L3MBTL1: variants seen among roughly 807,000 people sequenced by gnomAD.
L3MBTL1 encodes lethal(3)malignant brain tumor-like protein 1.
In L3MBTL1, 75 loss-of-function variants were observed where a neutral mutation model predicts 105.3. The observed-to-expected ratio is 0.71, with a 90% CI of 0.59 to 0.86. The LOEUF (loss-of-function observed/expected upper bound fraction) is 0.86. Among genes scored for constraint, L3MBTL1 ranks in the 40% least tolerant of loss-of-function variants. The probability of loss-of-function intolerance (pLI) is 0.00; values close to 1 mark genes in which losing one functional copy is unlikely to be tolerated. For missense variants in L3MBTL1, 1,069 were observed against 1,126.4 expected (o/e 0.95, Z 0.73); for synonymous variants, 452 against 436.2 (o/e 1.04, Z -0.45).
rs777571228 is a variant in L3MBTL1, at chr20:43,534,813, G to A, written c.1711-15G>A. The A allele has an allele frequency of 6.3e-7, 1 of 1,593,886 alleles. No individual in the cohort carries two copies. The highest frequency in any genetic ancestry group is 1.1e-5 in the South Asian group (1 of 90,526). On this transcript the variant is annotated splice_polypyrimidine_tract_variant and intron_variant, in intron 15 of 21. Coordinates refer to ENST00000418998, the MANE Select transcript of L3MBTL1 (RefSeq NM_001377303.1). ...CATGAGAAACGCCTGACTTCCAAGA[G>A]CCTTTCCTCCCCAGATCCACTTTGA...
Position 43,527,559 on chromosome 20 carries a change from ATGTGTGTGTGCACATAGGC to A in L3MBTL1, c.863-1069_863-1051del, listed in dbSNP as rs1049256303. Among the ~76,000 whole-genome samples, 8 of 139,324 alleles carry A rather than the reference ATGTGTGTGTGCACATAGGC, an allele frequency of 5.7e-5. No individual in the cohort carries two copies. The South Asian group carries it at 6.8e-4, about 12-fold the overall frequency. 91.4% of individuals were successfully genotyped at this position (139,324 alleles called of 152,430 possible). A position where few individuals can be genotyped will look rare whatever the true frequency, so the allele number is the denominator to read the frequency against. On this transcript the variant is annotated intron_variant, in intron 7 of 21. Coordinates refer to ENST00000418998, the MANE Select transcript of L3MBTL1 (RefSeq NM_001377303.1). The stretch of plus-strand genomic sequence containing the variant: ...GACCATAGTGTATGTGTGTTAGTGT[ATGTGTGTGTGCACATAGGC>A]TGTGTGTGTGCACATAGGCTGTGTG...
At position 43,540,310 on chromosome 20, in the gene L3MBTL1, T is replaced by C. The variant is rs766681877; in HGVS notation, c.2331+2T>C. On this transcript the variant is annotated splice_donor_variant, in intron 20 of 21. Transcript: ENST00000418998. LOFTEE classifies it high-confidence loss of function. ...GTCGCCAAGTGGACCATCGATGAGG[T>C]GAGGAGCGAGGGCCCTTCTTTATCC... The C allele has an allele frequency of 6.2e-7, 1 of 1,612,680 alleles. No homozygotes were observed. Among genetic ancestry groups the C allele is most frequent in the Non-Finnish European group, 8.5e-7 (1 of 1,179,560 alleles).
intron 7 of L3MBTL1, among the ~76,000 whole-genome samples, chr20:43,516,742 C>T (rs2018414433): frequency 6.6e-6 from 1 of 152,018 alleles, no homozygotes; most frequent in African/African-American, 2.4e-5. Flanking sequence ...CCCTCAAAAC[C>T]ATCAACACAA....
intron 6 of L3MBTL1, chr20:43,515,638 G>C (rs2018350651): frequency 1.7e-6 from 1 of 575,442 alleles, no homozygotes; most frequent in African/African-American, 1.9e-5. Flanking sequence ...TCTCAGTTTA[G>C]TGTCAAGGTT....
At chr20:43,534,527 T>A in intron 15 of L3MBTL1, 133 bp downstream of exon 15, 1 of 723,920 alleles carries the variant, frequency 1.4e-6, no homozygotes, top group Non-Finnish European at 2.3e-6. Context: ...TCTTGCCTCA[T>A]CTGTGACTTA....
chr20:43,514,685 C>T lies in L3MBTL1; in HGVS notation c.411C>T (p.Pro137=), dbSNP rs1454538590. 3 of 1,586,986 alleles carry T rather than the reference C, an allele frequency of 1.9e-6. No homozygotes were observed. The highest frequency in any genetic ancestry group is 2.3e-5 in the South Asian group (2 of 87,666). The part of the protein sequence containing the change: ...KPLNMAGVEQ[P]PSPELRQEGV... ...TGAACATGGCGGGAGTGGAGCAGCC[C>T]CCGAGCCCCGAGCTGCGGCAGGAAG... is the stretch of plus-strand genomic sequence containing the variant. The change falls in exon 4 of 22, where the codon CCC becomes CCT. Residue 137 remains proline, a synonymous_variant. Coordinates refer to ENST00000418998, the MANE Select transcript of L3MBTL1 (RefSeq NM_001377303.1).
intron 3 of L3MBTL1, chr20:43,514,344 T>C (rs1236353731): frequency 1.8e-6 from 2 of 1,118,174 alleles, no homozygotes; most frequent in South Asian, 3.3e-5. Context: ...GGGCCTGTGT[T>C]AGTTTGGGGG....
rs751689804 is a variant in L3MBTL1 at position 43,535,905 on chromosome 20, A to C, written c.1894A>C (p.Thr632Pro). The C allele has an allele frequency of 1.9e-6, 3 of 1,613,312 alleles. No homozygotes were observed. Among genetic ancestry groups the C allele is most frequent in the Non-Finnish European group, 2.5e-6 (3 of 1,179,714 alleles). Residue 632 changes from threonine to proline, a missense_variant, in exon 17 of 22, where the codon ACT becomes CCT. Thr to Pro is a conservative substitution (Grantham distance 38). Transcript: ENST00000418998. ...TCTCAGCTATAGGAGCCTGCCCCAC[A>C]CTAGGACCTCCAAATACAGCTTTCA... ...PPLSYRSLPH[T>P]RTSKYSFHHR...
intron 11 of L3MBTL1, chr20:43,531,696 A>G (rs118059852): frequency 0.021 from 3,160 of 152,396 alleles, 58 homozygotes; most frequent in Non-Finnish European, 0.034. Flanking sequence ...GGTCTCAGCA[A>G]CAAGAACGAA....
intron 7 of L3MBTL1, among the ~76,000 whole-genome samples, chr20:43,517,891 CT>C (rs2018483722): frequency 1.3e-5 from 2 of 152,200 alleles, no homozygotes; most frequent in Non-Finnish European, 1.5e-5. Flanking sequence ...TAAACCAGAA[CT>C]TCACTATTAT....
rs1254464371 is a variant in L3MBTL1 at position 43,532,789 on chromosome 20, G to A, written c.1301G>A (p.Gly434Asp). The change falls in exon 12 of 22, where the codon GGC becomes GAC. Residue 434 changes from glycine (G) to aspartate (D), a missense_variant. Gly to Asp is a moderately conservative substitution (Grantham distance 94, BLOSUM62 -1). Transcript: ENST00000418998. ...TTCCCCTAGAGTCCCCCACCCCTGG[G>A]CTTCCAGGTGGGCATGAAGCTGGAG... ...VSQSHSPPPL[G>D]FQVGMKLEAV... is the part of the protein sequence containing the mutation. 2.5e-6 allele frequency: 4 copies of A among 1,614,220 alleles called. No homozygotes were observed. Among genetic ancestry groups the A allele is most frequent in the Non-Finnish European group, 3.4e-6 (4 of 1,180,026 alleles).
chr20:43,528,340 T>C (rs1313440757), intron 7 of L3MBTL1, among the ~76,000 whole-genome samples: 4 of 152,256 alleles, frequency 2.6e-5, no homozygotes, highest in African/African-American at 7.2e-5. Context: ...CTTTGTCATG[T>C]CAGAGGACAG....
At chr20:43,514,339 T>G (rs1185372094) in intron 3 of L3MBTL1, 1 of 1,104,474 alleles carries the variant, frequency 9.1e-7, no homozygotes, top group Non-Finnish European at 1.2e-6. Flanking sequence ...TGAGTGGGCC[T>G]GTGTTAGTTT....
chr20:43,518,927 G>A (rs2018556493), intron 7 of L3MBTL1, among the ~76,000 whole-genome samples: 1 of 150,308 alleles, frequency 6.7e-6, no homozygotes, highest in Admixed American at 6.7e-5. Context: ...TCGGGAGGCT[G>A]AGGCAGGAGG....
In L3MBTL1 at chr20:43,516,188, T is replaced by C; in HGVS notation, c.862+11T>C. ...GCAGCAGCCAGCCTGGTACGGTGGC[T>C]TGTGTGTATATATATTCGTGTGAGG... On this transcript the variant is annotated intron_variant, in intron 7 of 21. Coordinates refer to ENST00000418998, the MANE Select transcript of L3MBTL1 (RefSeq NM_001377303.1). 1 of 1,608,102 alleles carries C rather than the reference T, an allele frequency of 6.2e-7. No homozygotes were observed. Among genetic ancestry groups the C allele is most frequent in the Non-Finnish European group, 8.5e-7 (1 of 1,174,790 alleles).
intron 1 of L3MBTL1, among the ~76,000 whole-genome samples, chr20:43,511,462 G>A (rs1046742525): frequency 6.6e-6 from 1 of 152,126 alleles, no homozygotes; most frequent in Admixed American, 6.5e-5. Context: ...TGGTGGGATG[G>A]GGTGAGGGGT....
exon 19 of L3MBTL1, chr20:43,548,319 A>C (rs1434777719): frequency 3.3e-6 from 4 of 1,217,310 alleles, no homozygotes; most frequent in Non-Finnish European, 4.3e-6. Context: ...TCCTGACCTG[A>C]ATTCCTCATA....
chr20:43,529,435 G>A, intron 9 of L3MBTL1, 67 bp downstream of exon 9: 1 of 1,105,936 alleles, frequency 9.0e-7, no homozygotes. Flanking sequence ...ATCTTGCTGG[G>A]GACATAGAAG....
At chr20:43,523,992 CAA>C (rs577732076) in intron 7 of L3MBTL1, among the ~76,000 whole-genome samples, 13 of 83,086 alleles carry the variant, frequency 1.6e-4, no homozygotes, top group Admixed American at 1.4e-4. Context: ...GACTCCATCT[CAA>C]AAAAAAAAAA....
Sources: gnomAD v4.1 joint callset for allele counts (sites outside exome capture counted in the v4.1 genomes callset) on GRCh38, gnomAD v4.1.1 for gene constraint, MANE v1.5 for transcripts, NCBI Gene and HGNC (gene_info 2026-07-23, HGNC 2026-07-21) for gene names.